The following NUTM2G variants were observed in gnomAD, a reference collection of about 807,000 sequenced individuals.
NUTM2G encodes the protein NUT family member 2G.
In NUTM2G, 29 loss-of-function variants were observed where a neutral mutation model predicts 44.3. The ratio of observed to expected loss-of-function variants is 0.66; its 90% CI spans 0.49 to 0.89. NUTM2G has a LOEUF of 0.89. NUTM2G is among the 40% of genes least tolerant of loss of function. The probability of loss-of-function intolerance (pLI) is 0.00; values close to 1 mark genes in which losing one functional copy is unlikely to be tolerated. For synonymous variants in NUTM2G, 205 were observed against 395.9 expected, an observed-to-expected ratio of 0.52 and a Z score of 5.72; for missense variants, 502 against 946.5, an observed-to-expected ratio of 0.53 and a Z score of 6.16.
At chr9:96,936,993 G>GC (rs1826452312) in intron 4 of NUTM2G, 71 bp from the exon 5 acceptor site, 2 of 1,383,038 alleles carry the variant, frequency 1.4e-6, no homozygotes, top group East Asian at 5.0e-5. Context: ...CCCAAGCCCT[G>GC]CCCTCCCCTG....
chr9:96,935,953 G>GAC (rs1343727125), intron 3 of NUTM2G, among the ~76,000 whole-genome samples: 1 of 150,606 alleles, frequency 6.6e-6, no homozygotes, highest in Non-Finnish European at 1.5e-5. Flanking sequence ...CGTGAAGACA[G>GAC]ACAGACAGCA....
At chr9:96,930,872 GTTTTTTTTTTTTTTTTTTTTTTT>G (rs1168888338) in intron 1 of NUTM2G, among the ~76,000 whole-genome samples, 2,658 of 72,430 alleles carry the variant, frequency 0.037, 140 homozygotes, top group African/African-American at 0.13. Context: ...CCATCCAGTG[GTTTTTTTTTTTTTTTTTTTTTTT>G]TTTTTTTTTT....
At chr9:96,935,265 G>C (rs1426333983) in intron 2 of NUTM2G, 63 bp from the exon 3 acceptor site, 6 of 1,608,126 alleles carry the variant, frequency 3.7e-6, no homozygotes, top group Non-Finnish European at 5.1e-6. Context: ...CAGGTGTTGG[G>C]ACCAGGTGGG....
intron 2 of NUTM2G, among the ~76,000 whole-genome samples, chr9:96,934,300 C>A (rs1353022370): frequency 1.3e-5 from 2 of 152,234 alleles, no homozygotes; most frequent in Non-Finnish European, 2.9e-5. Context: ...GCATATCCAC[C>A]GTGCAACACA....
At position 96,937,950 on chromosome 9, in the gene NUTM2G, C is replaced by A. The variant is rs1187826653; in HGVS notation, c.1389C>A (p.Phe463Leu). ...TTTCCCCAGATCCACAGATGGATTT[C>A]TTGGCCCTAAGCCAGGAGCTGGAGC... ...ELLSPDPQMD[F>L]LALSQELEQE... Residue 463 changes from phenylalanine (F) to leucine (L), a missense_variant, in exon 6 of 7, where the codon TTC becomes TTA. Transcript: ENST00000372322. The A allele has an allele frequency of 1.9e-6, 3 of 1,612,040 alleles. No individual in the cohort carries two copies. The highest frequency in any genetic ancestry group is 1.1e-5 in the South Asian group (1 of 90,982).
intron 1 of NUTM2G, among the ~76,000 whole-genome samples, chr9:96,930,510 C>T (rs1436848954): frequency 4.5e-5 from 6 of 133,968 alleles, no homozygotes; most frequent in African/African-American, 1.5e-4. Context: ...GGTGACAGAG[C>T]GAGACTCCGT....
chr9:96,932,324 T>C lies in NUTM2G; in HGVS notation c.619T>C (p.Tyr207His), dbSNP rs772332236. 1 of 1,612,424 alleles carries C rather than the reference T, an allele frequency of 6.2e-7. No individual in the cohort carries two copies. The highest frequency in any genetic ancestry group is 8.5e-7 in the Non-Finnish European group (1 of 1,179,638). The change falls in exon 2 of 7, where the codon TAT (tyrosine) becomes CAT (histidine). Residue 207 changes from tyrosine (Y) to histidine (H), a missense_variant. Tyr to His is a moderately conservative substitution (Grantham distance 83). Transcript: ENST00000372322. ...CGACTCCTGTAAACCCAAGAGTGTCTATGAGAACTTCCGACTCTGGCAGCA... is the reference window on the plus strand; with the variant it reads ...CGACTCCTGTAAACCCAAGAGTGTCCATGAGAACTTCCGACTCTGGCAGCA... ...PDDSCKPKSV[Y>H]ENFRLWQHYK...
intron 1 of NUTM2G, among the ~76,000 whole-genome samples, chr9:96,930,442 T>C (rs1269555105): frequency 1.3e-5 from 2 of 149,774 alleles, no homozygotes; most frequent in Non-Finnish European, 3.0e-5. Context: ...GAGAAGTGCT[T>C]GAACCTGGGA....
chr9:96,930,384 C>T (rs1298425670), intron 1 of NUTM2G, among the ~76,000 whole-genome samples: 2 of 152,050 alleles, frequency 1.3e-5, no homozygotes, highest in Admixed American at 6.5e-5. Context: ...ATTGGCTGGG[C>T]ATGGTGGCGG....
downstream of NUTM2G, chr9:96,942,870 A>G (rs1344363394): frequency 6.6e-6 from 1 of 151,770 alleles, no homozygotes; most frequent in Admixed American, 6.6e-5. Context: ...TACTCAAGGT[A>G]AATCCCTTCA....
At chr9:96,934,160 G>A (rs1826356864) in intron 2 of NUTM2G, among the ~76,000 whole-genome samples, 1 of 152,102 alleles carries the variant, frequency 6.6e-6, no homozygotes, top group African/African-American at 2.4e-5. Context: ...GCCGTGGACT[G>A]TGGTGACTGT....
intron 1 of NUTM2G, 48 bp from the exon 2 acceptor site, chr9:96,931,674 T>G (rs1826246504): frequency 6.2e-7 from 1 of 1,605,874 alleles, no homozygotes; most frequent in African/African-American, 1.3e-5. Context: ...GTGACTAGAG[T>G]GGACCTGGAG....
At chr9:96,929,496 T>C (rs1042587453) in intron 1 of NUTM2G, among the ~76,000 whole-genome samples, 1 of 151,760 alleles carries the variant, frequency 6.6e-6, no homozygotes, top group African/African-American at 2.4e-5. Context: ...AGAAGTGGTC[T>C]CAGCCAGAAA....
chr9:96,937,111 C>T lies in NUTM2G; in HGVS notation c.1030C>T (p.Pro344Ser). 6.2e-7 allele frequency: 1 copy of T among 1,611,528 alleles called. No homozygotes were observed. The highest frequency in any genetic ancestry group is 8.5e-7 in the Non-Finnish European group (1 of 1,179,668). ...DGPKAPTACL[P>S]PPRPQRPAET... ...CCCCAAGGCCCCGACTGCCTGCCTG[C>T]CACCACCCAGGCCCCAGAGGCCAGC... Residue 344 changes from proline to serine, a missense_variant, in exon 5 of 7, where the codon CCA becomes TCA. Transcript: ENST00000372322.
At chr9:96,932,684 C>G (rs1443530885) in intron 2 of NUTM2G, among the ~76,000 whole-genome samples, 1 of 149,942 alleles carries the variant, frequency 6.7e-6, no homozygotes, top group African/African-American at 2.5e-5. Flanking sequence ...TGGACTTTCA[C>G]TCTTGTTGCC....
At chr9:96,934,250 T>A (rs532868857) in intron 2 of NUTM2G, among the ~76,000 whole-genome samples, 2 of 152,212 alleles carry the variant, frequency 1.3e-5, no homozygotes, top group Non-Finnish European at 2.9e-5. Context: ...GGCACCTCTG[T>A]GACCCTTTGT....
chr9:96,932,504 G>A (rs1220641097), intron 2 of NUTM2G, 86 bp downstream of exon 2: 3 of 1,197,060 alleles, frequency 2.5e-6, no homozygotes, highest in Non-Finnish European at 3.6e-6. Context: ...ACTGTTCAGG[G>A]GAGCTTGCAG....
Position 96,937,103 on chromosome 9 carries a change from C to G in NUTM2G, c.1022C>G (p.Ala341Gly). Residue 341 changes from alanine (A) to glycine (G), a missense_variant, in exon 5 of 7, where the codon GCC (alanine) becomes GGC (glycine). Coordinates refer to ENST00000372322, the MANE Select transcript of NUTM2G (RefSeq NM_001170741.3). The stretch of plus-strand genomic sequence containing the variant: ...AAGGATGGCCCCAAGGCCCCGACTG[C>G]CTGCCTGCCACCACCCAGGCCCCAG... ...PSKDGPKAPT[A>G]CLPPPRPQRP... 1 of 1,611,180 alleles carries G rather than the reference C, an allele frequency of 6.2e-7. No individual in the cohort carries two copies. The highest frequency in any genetic ancestry group is 1.7e-5 in the Admixed American group (1 of 59,940).
downstream of NUTM2G, chr9:96,939,882 A>T (rs1477211846): frequency 1.3e-4 from 1 of 7,412 alleles, no homozygotes; most frequent in Non-Finnish European, 3.0e-4. Context: ...GGATATGATG[A>T]GGGGCGCAGA....
Sources: gnomAD v4.1 joint callset for allele counts (sites outside exome capture counted in the v4.1 genomes callset) on GRCh38, gnomAD v4.1.1 for gene constraint, MANE v1.5 for transcripts, NCBI Gene and HGNC (gene_info 2026-07-23, HGNC 2026-07-21) for gene names.